FRS2: variants seen among roughly 807,000 people sequenced by gnomAD.
FRS2 encodes fibroblast growth factor receptor substrate 2.
Under a neutral mutation model 43.9 loss-of-function variants are expected in FRS2, and 8 were observed. The observed-to-expected ratio is 0.18, with a 90% CI of 0.11 to 0.33. The LOEUF (loss-of-function observed/expected upper bound fraction) is 0.33. Among genes scored for constraint, FRS2 ranks in the 10% least tolerant of loss-of-function variants. The probability of loss-of-function intolerance (pLI) is 1.00; values close to 1 mark genes in which losing one functional copy is unlikely to be tolerated. For synonymous variants in FRS2, 219 were observed against 220.3 expected (o/e 0.99, Z 0.05); for missense variants, 534 against 627.6 (o/e 0.85, Z 1.59).
Position 69,569,039 on chromosome 12 carries a change from C to G in FRS2, c.9C>G (p.Ser3Arg). The change falls in exon 5 of 9, where the codon AGC becomes AGG. Residue 3 changes from serine to arginine, a missense_variant. This residue lies in a region of FRS2 where 76 missense variants were observed against 90.5 expected (regional missense o/e 0.84). Transcript: ENST00000549921. Reference protein sequence around the residue: MGSCCSCPDKDTV... With the variant: MGRCCSCPDKDTV... ...GGTCTTCTGAAGAAGCCATGGGTAG[C>G]TGTTGTAGCTGTCCAGATAAAGACA... 1 of 1,609,680 alleles carries G rather than the reference C, an allele frequency of 6.2e-7. No homozygotes were observed. The highest frequency in any genetic ancestry group is 8.5e-7 in the Non-Finnish European group (1 of 1,177,024).
chr12:69,508,024 CAAAAAAAAA>C (rs11365179), intron 1 of FRS2, among the ~76,000 whole-genome samples: 1,237 of 47,696 alleles, frequency 0.026, 29 homozygotes, highest in African/African-American at 0.082. Context: ...AACCCCGTCT[CAAAAAAAAA>C]AAAAAAAAAA....
chr12:69,551,721 C>G (rs184979938), intron 3 of FRS2, among the ~76,000 whole-genome samples: 14 of 152,062 alleles, frequency 9.2e-5, no homozygotes, highest in African/African-American at 3.1e-4. Context: ...AAGAAGGGCT[C>G]AAAAGAACAT....
At chr12:69,488,501 T>C (rs1280751070) in intron 1 of FRS2, among the ~76,000 whole-genome samples, 1 of 152,220 alleles carries the variant, frequency 6.6e-6, no homozygotes, top group Non-Finnish European at 1.5e-5. Flanking sequence ...AGTGTAAACA[T>C]AACTTTTGTT....
intron 1 of FRS2, among the ~76,000 whole-genome samples, chr12:69,517,781 G>GT (rs1245989289): frequency 6.6e-6 from 1 of 152,084 alleles, no homozygotes; most frequent in Non-Finnish European, 1.5e-5. Flanking sequence ...GTTGGAATGT[G>GT]TAATTCTGGG....
chr12:69,513,225 TTTTCCTAAA>T (rs1417393967), intron 1 of FRS2, among the ~76,000 whole-genome samples: 2 of 152,024 alleles, frequency 1.3e-5, no homozygotes, highest in Non-Finnish European at 2.9e-5. Context: ...CTTCTTTCTT[TTTTCCTAAA>T]TTTTAATCTG....
Position 69,575,505 on chromosome 12 carries a change from C to G in FRS2, c.*550C>G, listed in dbSNP as rs959447832. ...GCACCTCCTCTTACACCAGTCAGCT[C>G]CTTTGCCTTCAGTGTTACTAGAAAG... On this transcript the variant is annotated 3_prime_UTR_variant, in exon 9 of 9. Coordinates refer to ENST00000549921, the MANE Select transcript of FRS2 (RefSeq NM_001278356.2). 4 of 152,882 alleles carry G rather than the reference C, an allele frequency of 2.6e-5. No homozygotes were observed. Among genetic ancestry groups the G allele is most frequent in the Non-Finnish European group, 5.9e-5 (4 of 68,360 alleles). The allele number at this position is 152,882 out of a possible 1,614,324, so 9.5% of individuals were successfully genotyped here.
rs2588440 is a variant in FRS2, at chr12:69,577,694, G to A, written c.*2739G>A. The A allele has an allele frequency of 0.39, 59,649 of 152,442 alleles. 12,234 individuals carry two copies. Among genetic ancestry groups the A allele is most frequent in the South Asian group, 0.53 (2,534 of 4,824 alleles). The allele number at this position is 152,442 out of a possible 1,614,324, so 9.4% of individuals were successfully genotyped here. On this transcript the variant is annotated 3_prime_UTR_variant, in exon 9 of 9. Coordinates refer to ENST00000549921, the MANE Select transcript of FRS2 (RefSeq NM_001278356.2). ...TATTACTTGTGTTTTTTCTTAGTGT[G>A]TTTTATTTCCCAGTTTCATCTTCTT...
chr12:69,561,241 G>A (rs1047086459), intron 3 of FRS2, among the ~76,000 whole-genome samples: 5 of 152,140 alleles, frequency 3.3e-5, no homozygotes, highest in African/African-American at 1.2e-4. Flanking sequence ...AGATGTAGCA[G>A]CATCTCACAA....
chr12:69,561,963 C>T (rs1020434791), intron 3 of FRS2, among the ~76,000 whole-genome samples: 3 of 152,180 alleles, frequency 2.0e-5, no homozygotes, highest in Non-Finnish European at 4.4e-5. Context: ...CTTAGACTAT[C>T]ACATTTTTAC....
At chr12:69,567,512 C>G (rs913431382) in intron 4 of FRS2, among the ~76,000 whole-genome samples, 1 of 152,100 alleles carries the variant, frequency 6.6e-6, no homozygotes, top group African/African-American at 2.4e-5. Flanking sequence ...TCCTTGCTGA[C>G]AAGGGGCTCA....
At chr12:69,472,667 A>G (rs1199656702) in intron 1 of FRS2, among the ~76,000 whole-genome samples, 2 of 152,176 alleles carry the variant, frequency 1.3e-5, no homozygotes, top group Admixed American at 1.3e-4. Flanking sequence ...AGCATTTGCT[A>G]TGCATGTTAT....
chr12:69,572,310 T>A, intron 8 of FRS2, 29 bp downstream of exon 8: 1 of 1,570,474 alleles, frequency 6.4e-7, no homozygotes, highest in Non-Finnish European at 8.8e-7. Context: ...GTAACAGCAA[T>A]AATGATTGTT....
At chr12:69,562,051 T>C (rs1303658984) in intron 3 of FRS2, 129 bp from the exon 4 acceptor site, 2 of 389,336 alleles carry the variant, frequency 5.1e-6, no homozygotes, top group Admixed American at 8.9e-5. Flanking sequence ...TAAATACTTT[T>C]TATTCAATCT....
chr12:69,471,076 A>G (rs1870237888), intron 1 of FRS2, among the ~76,000 whole-genome samples: 1 of 151,920 alleles, frequency 6.6e-6, no homozygotes, highest in Admixed American at 6.6e-5. Context: ...GTTGTCCGGG[A>G]TCGATTTGGA....
chr12:69,536,813 A>C (rs1008837869), intron 3 of FRS2, among the ~76,000 whole-genome samples: 2 of 151,304 alleles, frequency 1.3e-5, no homozygotes, highest in African/African-American at 4.9e-5. Context: ...AAGTGTTCCT[A>C]CTGCCTCAGC....
intron 1 of FRS2, among the ~76,000 whole-genome samples, chr12:69,482,247 G>A (rs151274017): frequency 6.6e-6 from 1 of 152,198 alleles, no homozygotes; most frequent in Admixed American, 6.5e-5. Context: ...ACAAAGATTA[G>A]TGAGGCAGAT....
At chr12:69,535,625 A>G (rs1877197776) in intron 3 of FRS2, among the ~76,000 whole-genome samples, 1 of 152,138 alleles carries the variant, frequency 6.6e-6, no homozygotes, top group South Asian at 2.1e-4. Context: ...TAAATGTTCC[A>G]TGTGTATTTA....
chr12:69,476,178 G>A (rs1870751078), intron 1 of FRS2, among the ~76,000 whole-genome samples: 1 of 152,186 alleles, frequency 6.6e-6, no homozygotes, highest in South Asian at 2.1e-4. Context: ...CTGCCCTTGT[G>A]TTAGCCTACA....
chr12:69,514,990 A>G (rs1874848996), intron 1 of FRS2, among the ~76,000 whole-genome samples: 1 of 152,208 alleles, frequency 6.6e-6, no homozygotes, highest in Admixed American at 6.5e-5. Flanking sequence ...AGCCCTCAAT[A>G]TGTGCCACCA....
Sources: allele counts gnomAD v4.1 joint callset (sites outside exome capture counted in the v4.1 genomes callset), GRCh38; gene constraint gnomAD v4.1.1; regional missense constraint gnomAD v4.1.1; transcripts MANE v1.5; gene names NCBI Gene and HGNC (gene_info 2026-07-23, HGNC 2026-07-21).